Variants in DNAJC16 observed in about 807,000 individuals in gnomAD.
DNAJC16 encodes the protein dnaJ homolog subfamily C member 16.
In DNAJC16, 76 loss-of-function variants were observed where a neutral mutation model predicts 92.7. That is an observed-to-expected ratio of 0.82 (90% CI 0.68 to 0.99). The LOEUF (loss-of-function observed/expected upper bound fraction) is 0.99, where lower values mean the gene tolerates loss of function less well. Ranked by LOEUF, DNAJC16 falls within the 50% of genes least tolerant of loss-of-function variation. DNAJC16 has a pLI of 0.00. For missense variants in DNAJC16, 869 were observed against 942.4 expected, an observed-to-expected ratio of 0.92 and a Z score of 1.02; for synonymous variants, 328 against 358.7, an observed-to-expected ratio of 0.91 and a Z score of 0.97.
At chr1:15,553,515 TGA>T (rs1282446350) in intron 7 of DNAJC16, among the ~76,000 whole-genome samples, 7 of 152,232 alleles carry the variant, frequency 4.6e-5, no homozygotes, top group Admixed American at 3.9e-4. Flanking sequence ...ATTACAGACG[TGA>T]GTCACCGCAC....
At chr1:15,561,364 T>C (rs1000770642) in intron 8 of DNAJC16, among the ~76,000 whole-genome samples, 1 of 152,150 alleles carries the variant, frequency 6.6e-6, no homozygotes, top group South Asian at 2.1e-4. Flanking sequence ...CTCCCTATAC[T>C]GGAAGAACTA....
chr1:15,529,525 A>G (rs1035839059), intron 2 of DNAJC16, among the ~76,000 whole-genome samples: 1 of 152,220 alleles, frequency 6.6e-6, no homozygotes, highest in African/African-American at 2.4e-5. Context: ...TACTGTTAGC[A>G]TATTTAATGT....
Position 15,544,474 on chromosome 1 carries a change from C to G in DNAJC16, c.650C>G (p.Ser217Cys). 1.2e-6 allele frequency: 2 copies of G among 1,614,132 alleles called. No homozygotes were observed. Among genetic ancestry groups the G allele is most frequent in the East Asian group, 2.2e-5 (1 of 44,884 alleles). ...CACCTAGGGGCACACAGCACGCCCT[C>G]TATCCTAGGAATCATTAACGGGAAA... The part of the protein sequence containing the change: ...AHHLGAHSTP[S>C]ILGIINGKIS... Residue 217 changes from serine to cysteine, a missense_variant, in exon 5 of 15, where the codon TCT becomes TGT. Coordinates refer to ENST00000375847, the MANE Select transcript of DNAJC16 (RefSeq NM_015291.4).
intron 8 of DNAJC16, 113 bp from the exon 9 acceptor site, chr1:15,562,029 T>C (rs1370293440): frequency 1.9e-6 from 2 of 1,034,724 alleles, no homozygotes; most frequent in Non-Finnish European, 2.8e-6. Context: ...CTGGGCACAG[T>C]GTATTCACTT....
intron 9 of DNAJC16, among the ~76,000 whole-genome samples, chr1:15,563,109 G>A (rs370525248): frequency 6.6e-6 from 1 of 151,580 alleles, no homozygotes; most frequent in Non-Finnish European, 1.5e-5. Flanking sequence ...CATCATTTTC[G>A]CAATCATGGA....
chr1:15,566,403 C>T (rs1557589850), intron 13 of DNAJC16: 4 of 534,510 alleles, frequency 7.5e-6, no homozygotes, highest in Non-Finnish European at 1.0e-5. Flanking sequence ...AGGAAAGAAG[C>T]CTATCAGGCA....
At chr1:15,534,018 T>A (rs1710721928) in intron 2 of DNAJC16, among the ~76,000 whole-genome samples, 1 of 152,208 alleles carries the variant, frequency 6.6e-6, no homozygotes, top group Admixed American at 6.5e-5. Flanking sequence ...TTTGAAAACA[T>A]GCCCTGCTGG....
chr1:15,543,614 GGCT>G (rs1418159649), intron 4 of DNAJC16, among the ~76,000 whole-genome samples: 1 of 152,184 alleles, frequency 6.6e-6, no homozygotes, highest in Admixed American at 6.5e-5. Context: ...GGAGCAGCCT[GGCT>G]GCTATGTTAA....
At chr1:15,565,429 A>C (rs1638786092) in intron 11 of DNAJC16, 1 of 166,636 alleles carries the variant, frequency 6.0e-6, no homozygotes, top group South Asian at 1.5e-4. Context: ...AGCACCTGAC[A>C]AATGACAGCC....
At chr1:15,547,183 C>T (rs72645811) in intron 6 of DNAJC16, among the ~76,000 whole-genome samples, 41,165 of 147,502 alleles carry the variant, frequency 0.28, 6,546 homozygotes, top group African/African-American at 0.43. Flanking sequence ...CTCGCTCTGT[C>T]GCCCAGGCTG....
Position 15,567,118 on chromosome 1 carries a change from T to C in DNAJC16, c.1798T>C (p.Phe600Leu), listed in dbSNP as rs749404816. Residue 600 changes from phenylalanine (F) to leucine (L), a missense_variant, in exon 14 of 15, where the codon TTT (phenylalanine) becomes CTT (leucine). Phe to Leu is a conservative substitution (Grantham distance 22). Coordinates refer to ENST00000375847, the MANE Select transcript of DNAJC16 (RefSeq NM_015291.4). ...ENSSKIPKKG[F>L]VEVTELTDVT... The stretch of plus-strand genomic sequence containing the variant: ...CCACAGCAAGATTCCTAAAAAAGGC[T>C]TTGTGGAGGTAACTGAACTCACAGA... 6.2e-7 allele frequency: 1 copy of C among 1,609,968 alleles called. No homozygotes were observed. The highest frequency in any genetic ancestry group is 8.5e-7 in the Non-Finnish European group (1 of 1,176,458).
chr1:15,568,581 C>T lies in DNAJC16; in HGVS notation c.*404C>T. 2.4e-6 allele frequency: 1 copy of T among 408,466 alleles called. No individual in the cohort carries two copies. The highest frequency in any genetic ancestry group is 2.0e-5 in the African/African-American group (1 of 48,884). 25.3% of individuals were successfully genotyped at this position (408,466 alleles called of 1,614,324 possible). On this transcript the variant is annotated 3_prime_UTR_variant, in exon 15 of 15. Transcript: ENST00000375847. Reference sequence around the variant, plus strand: ...TGTCGTGCAGGCCAGGTCATTGGCCCCTTCCCCAATCCCGGCCCTGCTGTG... The same window carrying T: ...TGTCGTGCAGGCCAGGTCATTGGCCTCTTCCCCAATCCCGGCCCTGCTGTG...
chr1:15,562,044 A>G (rs1274283347), intron 8 of DNAJC16, 98 bp from the exon 9 acceptor site: 1 of 1,286,224 alleles, frequency 7.8e-7, no homozygotes, highest in African/African-American at 1.5e-5. Flanking sequence ...TCACTTCCAT[A>G]AGATGAGCTC....
intron 4 of DNAJC16, among the ~76,000 whole-genome samples, chr1:15,542,625 G>A (rs78746713): frequency 0.011 from 1,660 of 152,318 alleles, 30 homozygotes; most frequent in African/African-American, 0.038. Context: ...GGAAGTACAG[G>A]ACACAACCTG....
Position 15,547,294 on chromosome 1 carries a change from C to T in DNAJC16, c.864+423C>T, listed in dbSNP as rs955932159. On this transcript the variant is annotated intron_variant, in intron 6 of 14. Transcript: ENST00000375847. ...TCCCAAGTAGCTGGGACTACATGTG[C>T]GTGCTACCATGCCCAGCTAACGTTT... Among the ~76,000 whole-genome samples the T allele has an allele frequency of 2.6e-5, 4 of 151,860 alleles. No homozygotes were observed. In the South Asian group the frequency reaches 6.2e-4, roughly 24 times the overall value.
At chr1:15,560,885 C>T (rs1638675590) in intron 8 of DNAJC16, among the ~76,000 whole-genome samples, 1 of 152,024 alleles carries the variant, frequency 6.6e-6, no homozygotes, top group Non-Finnish European at 1.5e-5. Flanking sequence ...CTTGTACCCT[C>T]CAGGCAGATG....
At position 15,555,046 on chromosome 1, in the gene DNAJC16, TG is replaced by T. The variant is rs61299874; in HGVS notation, c.1024-4479del. ...CCTATTAAAAAGCTTTTTTTTTTTTTGTTTGATAGTTTATGCTGCAGAAAAA... is the reference window on the plus strand; with the variant it reads ...CCTATTAAAAAGCTTTTTTTTTTTTTTTTGATAGTTTATGCTGCAGAAAAA... On this transcript the variant is annotated intron_variant, in intron 7 of 14. Transcript: ENST00000375847. 0.016 allele frequency among the ~76,000 whole-genome samples: 1,198 copies of T among 76,858 alleles called. 31 individuals are homozygous for T. The East Asian group carries it at 0.23, about 15-fold the overall frequency. The allele number at this position is 76,858 out of a possible 152,430, so 50.4% of individuals were successfully genotyped here.
chr1:15,562,494 T>C (rs1040635834), intron 9 of DNAJC16, among the ~76,000 whole-genome samples, 169 bp downstream of exon 9: 2 of 151,808 alleles, frequency 1.3e-5, no homozygotes, highest in Non-Finnish European at 2.9e-5. Context: ...ATTTTTTTTT[T>C]TTTCTTTTGA....
intron 8 of DNAJC16, among the ~76,000 whole-genome samples, chr1:15,561,100 C>CT (rs774081579): frequency 6.6e-6 from 1 of 151,620 alleles, no homozygotes; most frequent in Non-Finnish European, 1.5e-5. Flanking sequence ...TCTCTGTCCC[C>CT]TTTTCATCTT....
Sources: allele counts gnomAD v4.1 joint callset (sites outside exome capture counted in the v4.1 genomes callset), GRCh38; gene constraint gnomAD v4.1.1; transcripts MANE v1.5; gene names NCBI Gene and HGNC (gene_info 2026-07-23, HGNC 2026-07-21).